Variants in TRPM3 observed in about 807,000 individuals in gnomAD.
The protein encoded by TRPM3 is long transient receptor potential channel 3.
Under a neutral mutation model 181.2 loss-of-function variants are expected in TRPM3, and 77 were observed. The ratio of observed to expected loss-of-function variants is 0.42; its 90% CI spans 0.35 to 0.51. The LOEUF (loss-of-function observed/expected upper bound fraction) is 0.51. TRPM3 is among the 20% of genes least tolerant of loss of function. The pLI is 0.01. For missense variants in TRPM3, 1,759 were observed against 2,196.7 expected, an observed-to-expected ratio of 0.80 and a Z score of 3.98; for synonymous variants, 745 against 796.4, an observed-to-expected ratio of 0.94 and a Z score of 1.09.
chr9:70,842,500 A>G (rs1190279539), intron 5 of TRPM3, among the ~76,000 whole-genome samples: 2 of 152,164 alleles, frequency 1.3e-5, no homozygotes, highest in Admixed American at 6.6e-5. Flanking sequence ...CTTTTAAAAA[A>G]AATTTTTGTG....
At chr9:71,052,247 T>G (rs535066066) in intron 1 of TRPM3, among the ~76,000 whole-genome samples, 1 of 152,210 alleles carries the variant, frequency 6.6e-6, no homozygotes, top group Admixed American at 6.5e-5. Flanking sequence ...CCAAAGTAAA[T>G]GTTTGTCGAA....
At chr9:71,336,662 A>G (rs112272995) in intron 1 of TRPM3, among the ~76,000 whole-genome samples, 2,249 of 152,306 alleles carry the variant, frequency 0.015, 25 homozygotes, top group Middle Eastern at 0.061. Context: ...CTAAGCAAAA[A>G]GAATAAAGCT....
chr9:70,862,579 A>G (rs1457551151), intron 3 of TRPM3, among the ~76,000 whole-genome samples: 2 of 152,174 alleles, frequency 1.3e-5, no homozygotes, highest in African/African-American at 4.8e-5. Flanking sequence ...ATATGTCTTA[A>G]TGGATGAGAC....
intron 1 of TRPM3, among the ~76,000 whole-genome samples, chr9:71,192,592 T>A (rs936055331): frequency 6.6e-6 from 1 of 151,898 alleles, no homozygotes; most frequent in African/African-American, 2.4e-5. Context: ...TCTTTGCCCA[T>A]TTTTTAATTG....
At chr9:70,667,508 A>T (rs1445616126) in intron 9 of TRPM3, among the ~76,000 whole-genome samples, 1 of 152,122 alleles carries the variant, frequency 6.6e-6, no homozygotes, top group African/African-American at 2.4e-5. Context: ...CCCAGGTCTC[A>T]CTTTGTACCT....
At chr9:71,191,248 G>A (rs915339766) in intron 1 of TRPM3, among the ~76,000 whole-genome samples, 12 of 151,826 alleles carry the variant, frequency 7.9e-5, no homozygotes, top group South Asian at 2.1e-4. Flanking sequence ...AGTGGCCAGC[G>A]TGGTGCTGGG....
intron 1 of TRPM3, among the ~76,000 whole-genome samples, chr9:71,346,450 T>C (rs2132637972): frequency 6.6e-6 from 1 of 152,294 alleles, no homozygotes; most frequent in South Asian, 2.1e-4. Flanking sequence ...AGTACAAAAT[T>C]AGGCACCGGG....
chr9:71,019,515 A>T (rs2134478979), intron 1 of TRPM3, among the ~76,000 whole-genome samples: 1 of 152,220 alleles, frequency 6.6e-6, no homozygotes, highest in East Asian at 1.9e-4. Context: ...GCCTAATAAA[A>T]ATTTTAACAA....
intron 1 of TRPM3, among the ~76,000 whole-genome samples, chr9:71,162,845 G>A (rs1218588447): frequency 1.3e-5 from 2 of 152,134 alleles, no homozygotes; most frequent in African/African-American, 4.8e-5. Context: ...AGGTAGAGAT[G>A]TGCCTGTACA....
At chr9:71,372,954 T>G (rs576992412) in intron 1 of TRPM3, among the ~76,000 whole-genome samples, 2 of 152,056 alleles carry the variant, frequency 1.3e-5, no homozygotes, top group Non-Finnish European at 2.9e-5. Flanking sequence ...AAATTAGAAC[T>G]CAAGACTAAG....
chr9:70,631,057 A>AAGAT (rs2065752232), intron 12 of TRPM3, among the ~76,000 whole-genome samples: 2 of 152,318 alleles, frequency 1.3e-5, no homozygotes, highest in South Asian at 4.1e-4. Flanking sequence ...TGAGATACAT[A>AAGAT]AGATATAAAA....
At chr9:71,010,620 A>G (rs900881320) in intron 1 of TRPM3, among the ~76,000 whole-genome samples, 15 of 152,104 alleles carry the variant, frequency 9.9e-5, no homozygotes, top group African/African-American at 3.4e-4. Flanking sequence ...CAAAACGTAT[A>G]TAATAACAAA....
chr9:70,610,332 C>A lies in TRPM3; in HGVS notation c.2667+277G>T, dbSNP rs75230950. Among the ~76,000 whole-genome samples the A allele has an allele frequency of 5.7e-3, 868 of 152,312 alleles. 8 individuals carry two copies. Among genetic ancestry groups the A allele is most frequent in the African/African-American group, 0.02 (817 of 41,556 alleles). On this transcript the variant is annotated intron_variant, in intron 19 of 25. Transcript: ENST00000677713. ...TATTTCGGAAAAGAACATCTACTTT[C>A]CTGTTAGGCAAGACTCATACTCATC...
chr9:70,868,754 C>A (rs1377845834), intron 1 of TRPM3, among the ~76,000 whole-genome samples: 1 of 152,026 alleles, frequency 6.6e-6, no homozygotes, highest in Non-Finnish European at 1.5e-5. Context: ...TTTATAGGAA[C>A]AAATTACAAG....
upstream of TRPM3, among the ~76,000 whole-genome samples, chr9:71,124,020 G>A (rs1358592378): frequency 6.6e-6 from 1 of 152,142 alleles, no homozygotes; most frequent in Non-Finnish European, 1.5e-5. Context: ...TGCAGAGTGA[G>A]GAAGTAGGAG....
chr9:71,085,314 A>T (rs2065087015), intron 1 of TRPM3, among the ~76,000 whole-genome samples: 1 of 152,116 alleles, frequency 6.6e-6, no homozygotes, highest in African/African-American at 2.4e-5. Context: ...TTTGCACAGC[A>T]AAAGAAACTA....
intron 1 of TRPM3, among the ~76,000 whole-genome samples, chr9:71,069,915 A>AT (rs34562594): frequency 0.23 from 34,935 of 152,144 alleles, 4,737 homozygotes; most frequent in East Asian, 0.33. Flanking sequence ...GCGAAAATTA[A>AT]TTTTTTTAAA....
chr9:71,385,947 T>A (rs536559663), intron 1 of TRPM3, among the ~76,000 whole-genome samples: 1 of 151,862 alleles, frequency 6.6e-6, no homozygotes, highest in African/African-American at 2.4e-5. Context: ...CCTCAAGCGA[T>A]CCACCCACCT....
chr9:71,357,386 T>C (rs566615777), intron 1 of TRPM3, among the ~76,000 whole-genome samples: 1 of 152,272 alleles, frequency 6.6e-6, no homozygotes, highest in African/African-American at 2.4e-5. Context: ...CAGTGAGGGA[T>C]GTGTAATGTG....
Sources: gnomAD v4.1 joint callset for allele counts (sites outside exome capture counted in the v4.1 genomes callset) on GRCh38, gnomAD v4.1.1 for gene constraint, MANE v1.5 for transcripts, NCBI Gene and HGNC (gene_info 2026-07-23, HGNC 2026-07-21) for gene names.